PBXIP1: variants seen among roughly 807,000 people sequenced by gnomAD.
The protein encoded by PBXIP1 is pre-B-cell leukemia transcription factor-interacting protein 1.
PBXIP1 carries 73 observed loss-of-function variants against 73.7 expected under a neutral mutation model. The observed-to-expected ratio is 0.99, with a 90% CI of 0.82 to 1.20. The LOEUF (loss-of-function observed/expected upper bound fraction) is 1.20. Among genes scored for constraint, PBXIP1 ranks in the 50% most tolerant of loss-of-function variants. The pLI is 0.00. For synonymous variants in PBXIP1, 330 were observed against 366.9 expected, an observed-to-expected ratio of 0.90 and a Z score of 1.15; for missense variants, 818 against 911.4, an observed-to-expected ratio of 0.90 and a Z score of 1.32.
rs899583035 is a variant in PBXIP1, at chr1:154,951,342, A to G, written c.299T>C (p.Val100Ala). 11 of 1,613,952 alleles carry G rather than the reference A, an allele frequency of 6.8e-6. No homozygotes were observed. Among genetic ancestry groups the G allele is most frequent in the Non-Finnish European group, 8.5e-6 (10 of 1,179,956 alleles). ...GGTCTCCTGCAGGTCTCCCTGGACT[A>G]CTGTGTCTCCTGGGCCAGGAGGCTC... ...GVEPPGPGDT[V>A]VQGDLQETTV... The change falls in exon 5 of 11, where the codon GTA (valine) becomes GCA (alanine). Residue 100 changes from valine to alanine, a missense_variant. By Grantham distance (64) the Val-to-Ala change is moderately conservative (BLOSUM62 0). Transcript: ENST00000368463. The surrounding 1 kb of genome is among the most constrained non-coding windows in gnomAD (Gnocchi z 4.3).
rs775786408 is a variant in PBXIP1 at position 154,945,747 on chromosome 1, AG to A, written c.1926del (p.Phe643LeufsTer39). On this transcript the variant is annotated frameshift_variant, in exon 10 of 11. Coordinates refer to ENST00000368463, the MANE Select transcript of PBXIP1 (RefSeq NM_020524.4). LOFTEE classifies it high-confidence loss of function. ...TGACGGAAGATGCCATCCTCACCAA[AG>A]AAAGCAGGTGAGAGGGGTAGCTCCT... is the stretch of plus-strand genomic sequence containing the variant. Reference protein sequence around the residue: ...LTKELPLSPAFFGEDGIFRHD... With the variant: ...LTKELPLSPAXFGEDGIFRHD... 6.2e-7 allele frequency: 1 copy of A among 1,614,212 alleles called. No individual in the cohort carries two copies. The highest frequency in any genetic ancestry group is 1.7e-5 in the Admixed American group (1 of 60,022).
Position 154,951,863 on chromosome 1 carries a change from GCT to G in PBXIP1, c.108_109del (p.Arg36SerfsTer30), listed in dbSNP as rs763923030. 6.2e-7 allele frequency: 1 copy of G among 1,613,282 alleles called. No homozygotes were observed. Among genetic ancestry groups the G allele is most frequent in the Non-Finnish European group, 8.5e-7 (1 of 1,179,592 alleles). ...GGAGGGGCTGTGAGGGGCCTGCAGG[GCT>G]CTCTCAGATTCTGGGTCCATCCTGG... On this transcript the variant is annotated frameshift_variant, in exon 3 of 11. Transcript: ENST00000368463. LOFTEE classifies it high-confidence loss of function. This position sits in a 1 kb window ranked among gnomAD's most constrained non-coding sequence, Gnocchi z 4.3.
chr1:154,948,989 G>A (rs1037576028), intron 5 of PBXIP1, among the ~76,000 whole-genome samples: 3 of 152,072 alleles, frequency 2.0e-5, no homozygotes, highest in Non-Finnish European at 4.4e-5. Flanking sequence ...TTCAGGGGAA[G>A]GCACTGCTTC....
At chr1:154,950,332 T>C (rs1347639606) in intron 5 of PBXIP1, 1 of 152,318 alleles carries the variant, frequency 6.6e-6, no homozygotes, top group South Asian at 2.1e-4. Context: ...CTGCCGCCTA[T>C]TTTTATTTCC....
At chr1:154,947,089 A>G (rs3738026) in intron 9 of PBXIP1, 271,656 of 568,732 alleles carry the variant, frequency 0.48, 70,221 homozygotes, top group East Asian at 0.9. Flanking sequence ...TCACAGTCTT[A>G]TTTCCTGGAA....
Position 154,951,494 on chromosome 1 carries a change from G to C in PBXIP1, c.220C>G (p.Leu74Val). Residue 74 changes from leucine (L) to valine (V), a missense_variant, in exon 4 of 11, where the codon CTA becomes GTA. Physicochemically the swap from Leu to Val is conservative, Grantham distance 32. Coordinates refer to ENST00000368463, the MANE Select transcript of PBXIP1 (RefSeq NM_020524.4). This position sits in a 1 kb window ranked among gnomAD's most constrained non-coding sequence, Gnocchi z 4.3. ...ACCTTGACCTCAGTCTCCTCTGTTA[G>C]AATGCTGCCAGACTGAGGGCTTTCA... ...QTESPQSGSI[L>V]TEETEVKGTL... 1 of 1,614,098 alleles carries C rather than the reference G, an allele frequency of 6.2e-7. No homozygotes were observed. Among genetic ancestry groups the C allele is most frequent in the South Asian group, 1.1e-5 (1 of 91,080 alleles).
In PBXIP1 at chr1:154,945,032, G is replaced by T. The variant is rs749366117; in HGVS notation, c.2188C>A (p.Arg730=). 12 of 1,586,636 alleles carry T rather than the reference G, an allele frequency of 7.6e-6. No individual in the cohort carries two copies. The highest frequency in any genetic ancestry group is 1.1e-5 in the South Asian group (1 of 90,248). Residue 730 remains arginine, a synonymous_variant, in exon 11 of 11, where the codon CGG becomes AGG. Transcript: ENST00000368463. ...GHSHSHHHHH[R]G ...CCCTGTGGGGCAGGGTGTCAGCCCC[G>T]GTGGTGGTGGTGGTGGCTATGGCTG...
At chr1:154,945,184 G>A (rs1654760717) in intron 10 of PBXIP1, 67 bp from the exon 11 acceptor site, 6 of 1,196,574 alleles carry the variant, frequency 5.0e-6, no homozygotes, top group Admixed American at 3.8e-5. Flanking sequence ...CAAGGAGAGA[G>A]GACCCTGCTC....
At chr1:154,955,113 G>A (rs1655135917) in intron 1 of PBXIP1, 2 of 197,628 alleles carry the variant, frequency 1.0e-5, no homozygotes, top group Non-Finnish European at 1.8e-5. Context: ...CATTCCACAC[G>A]GAGACAGGAG....
rs181246577 is a variant in PBXIP1, at chr1:154,944,179, A to G, written c.*845T>C. ...GTTCCCAGAGATTAACTTGCCCAAG[A>G]TCACTTGGCCTGGATTTGAGCCTGA... On this transcript the variant is annotated 3_prime_UTR_variant, in exon 11 of 11. Transcript: ENST00000368463. 2.6e-5 allele frequency: 4 copies of G among 152,382 alleles called. No individual in the cohort carries two copies. Among genetic ancestry groups the G allele is most frequent in the Admixed American group, 2.6e-4 (4 of 15,300 alleles). 9.4% of individuals were successfully genotyped at this position (152,382 alleles called of 1,614,324 possible).
rs529260163 is a variant in PBXIP1 at position 154,946,083 on chromosome 1, T to G, written c.1591A>C (p.Lys531Gln). The change falls in exon 10 of 11, where the codon AAG becomes CAG. Residue 531 changes from lysine to glutamine, a missense_variant. Physicochemically the swap from Lys to Gln is moderately conservative, Grantham distance 53. Coordinates refer to ENST00000368463, the MANE Select transcript of PBXIP1 (RefSeq NM_020524.4). ...TTCGGGCCCTGTCGCTTGCCCTCCT[T>G]CTTGCTCCCCGACTCCTCCACCCTT... is the stretch of plus-strand genomic sequence containing the variant. ...RPRVEESGSKKEGKRQGPKEP... is the reference protein window; with the variant it reads ...RPRVEESGSKQEGKRQGPKEP... 9.3e-6 allele frequency: 15 copies of G among 1,614,156 alleles called. No homozygotes were observed. In the South Asian group the frequency reaches 1.6e-4, roughly 18 times the overall value.
rs761537169 is a variant in PBXIP1 at position 154,945,069 on chromosome 1, G to A, written c.2151C>T (p.Pro717=). The change falls in exon 11 of 11, where the codon CCC becomes CCT. Residue 717 remains proline (P), a synonymous_variant. Coordinates refer to ENST00000368463, the MANE Select transcript of PBXIP1 (RefSeq NM_020524.4). ...KHSQSPRAAG[P]REGHSHSHHH... is the part of the protein sequence containing the mutation. ...GGTGGCTATGGCTGTGCCCCTCCCT[G>A]GGCCCCGCAGCTCTTGGGCTCTGTG... The A allele has an allele frequency of 6.2e-7, 1 of 1,614,110 alleles. No homozygotes were observed. Among genetic ancestry groups the A allele is most frequent in the East Asian group, 2.2e-5 (1 of 44,884 alleles).
rs148878006 is a variant in PBXIP1 at position 154,946,713 on chromosome 1, C to A, written c.961G>T (p.Glu321Ter). The change falls in exon 10 of 11, where the codon GAA (glutamate) becomes TAA (stop). Residue 321 changes from glutamate to a stop codon, truncating the protein, a stop_gained. Transcript: ENST00000368463. LOFTEE classifies it high-confidence loss of function. ...GACTCCAGAGCCCGCTGGAAGGCTT[C>A]GCCCTGCTGCAGAGCCCCCCGGAGC... is the stretch of plus-strand genomic sequence containing the variant. ...AQLRGALQQGEAFQRALESEL... is the reference protein window; with the variant it reads ...AQLRGALQQG 5.0e-6 allele frequency: 8 copies of A among 1,610,174 alleles called. No individual in the cohort carries two copies. The African/African-American group carries it at 1.1e-4, about 21-fold the overall frequency.
chr1:154,948,246 G>A lies in PBXIP1; in HGVS notation c.530C>T (p.Ala177Val), dbSNP rs543391956. The change falls in exon 6 of 11, where the codon GCT becomes GTT. Residue 177 changes from alanine to valine, a missense_variant. Physicochemically the swap from Ala to Val is moderately conservative, Grantham distance 64. Transcript: ENST00000368463. ...CTCACCCCCAGCCTGGTTCTCCACA[G>A]CCAGGGGCACCATGGGCTGAGGTGG... ...AGPPQPMVPL[A>V]VENQAGGEGA... 2.5e-6 allele frequency: 4 copies of A among 1,612,360 alleles called. No homozygotes were observed. The South Asian group carries it at 4.4e-5, about 18-fold the overall frequency.
At position 154,951,990 on chromosome 1, in the gene PBXIP1, C is replaced by T. The variant is rs544564986; in HGVS notation, c.52-69G>A. ...GGCCCCAGCCCACATCCCAGAAACA[C>T]ACACATTCAGTCATGAGCTGGCCCA... On this transcript the variant is annotated intron_variant, in intron 2 of 10. Transcript: ENST00000368463. This position sits in a 1 kb window ranked among gnomAD's most constrained non-coding sequence, Gnocchi z 4.3. 20 of 1,534,826 alleles carry T rather than the reference C, an allele frequency of 1.3e-5. No homozygotes were observed. The South Asian group carries it at 2.1e-4, about 16-fold the overall frequency.
Position 154,951,852 on chromosome 1 carries a change from G to T in PBXIP1, c.121C>A (p.Pro41Thr). ...DPESERALQAPHSPSKTDGKE... is the reference protein window; with the variant it reads ...DPESERALQATHSPSKTDGKE... ...CCATCTGTCTTGGAGGGGCTGTGAG[G>T]GGCCTGCAGGGCTCTCTCAGATTCT... Residue 41 changes from proline to threonine, a missense_variant, in exon 3 of 11, where the codon CCT (proline) becomes ACT (threonine). By Grantham distance (38) the Pro-to-Thr change is conservative. Coordinates refer to ENST00000368463, the MANE Select transcript of PBXIP1 (RefSeq NM_020524.4). The surrounding 1 kb of genome is among the most constrained non-coding windows in gnomAD (Gnocchi z 4.3). The T allele has an allele frequency of 6.2e-7, 1 of 1,613,536 alleles. No homozygotes were observed. Among genetic ancestry groups the T allele is most frequent in the Non-Finnish European group, 8.5e-7 (1 of 1,179,706 alleles).
In PBXIP1 at chr1:154,951,215, G is replaced by A. The variant is rs1425198557; in HGVS notation, c.409+17C>T. On this transcript the variant is annotated intron_variant, in intron 5 of 10. Coordinates refer to ENST00000368463, the MANE Select transcript of PBXIP1 (RefSeq NM_020524.4). This position sits in a 1 kb window ranked among gnomAD's most constrained non-coding sequence, Gnocchi z 4.3. ...TTCTAGAAGGAGAGTGACAGGAGAG[G>A]CAAGGAAGACTCTCACCTGCTTTGG... The A allele has an allele frequency of 2.5e-6, 4 of 1,609,296 alleles. No homozygotes were observed. The highest frequency in any genetic ancestry group is 3.4e-6 in the Non-Finnish European group (4 of 1,176,328).
rs760438637 is a variant in PBXIP1 at position 154,945,044 on chromosome 1, G to A, written c.2176C>T (p.His726Tyr). ...GPREGHSHSH[H>Y]HHHRG ...GGGTGTCAGCCCCGGTGGTGGTGGT[G>A]GTGGCTATGGCTGTGCCCCTCCCTG... The change falls in exon 11 of 11, where the codon CAC becomes TAC. Residue 726 changes from histidine (H) to tyrosine (Y), a missense_variant. Coordinates refer to ENST00000368463, the MANE Select transcript of PBXIP1 (RefSeq NM_020524.4). 3 of 1,613,960 alleles carry A rather than the reference G, an allele frequency of 1.9e-6. No individual in the cohort carries two copies. The highest frequency in any genetic ancestry group is 2.5e-6 in the Non-Finnish European group (3 of 1,179,842).
intron 5 of PBXIP1, chr1:154,950,281 C>T (rs1654967634): frequency 6.6e-6 from 1 of 152,206 alleles, no homozygotes; most frequent in South Asian, 2.1e-4. Flanking sequence ...CCCACCTTGG[C>T]CTCTCAAAGT....
Sources: gnomAD v4.1 joint callset for allele counts (sites outside exome capture counted in the v4.1 genomes callset) on GRCh38, gnomAD v4.1.1 for gene constraint, Gnocchi (gnomAD v3.1) non-coding constraint, MANE v1.5 for transcripts, NCBI Gene and HGNC (gene_info 2026-07-23, HGNC 2026-07-21) for gene names.